The following OTUD5 variants were observed in gnomAD, a reference collection of about 807,000 sequenced individuals.
OTUD5 encodes OTU deubiquitinase 5.
Under a neutral mutation model 36.3 loss-of-function variants are expected in OTUD5, and 2 were observed. The observed-to-expected ratio is 0.06, with a 90% CI of 0.02 to 0.17. The LOEUF is 0.17. OTUD5 is among the 10% of genes least tolerant of loss of function. OTUD5 has a pLI of 1.00. For missense variants in OTUD5, 233 were observed against 512.3 expected, an observed-to-expected ratio of 0.45 and a Z score of 5.26; for synonymous variants, 234 against 214.9, an observed-to-expected ratio of 1.09 and a Z score of -0.78.
intron 2 of OTUD5, among the ~76,000 whole-genome samples, chrX:48,942,244 T>TACACACACACACACACACACACACAC (rs1188711919): frequency 1.4e-4 from 8 of 57,090 alleles, no homozygotes; most frequent in East Asian, 6.2e-4. Context: ...CACACACACA[T>TACACACACACACACACACACACACAC]ACACACACAC....
chrX:48,954,019 AG>A (rs782646940), intron 1 of OTUD5, among the ~76,000 whole-genome samples: 1 of 111,846 alleles, frequency 8.9e-6, no homozygotes, highest in East Asian at 2.8e-4. Flanking sequence ...CAGGTGAGGC[AG>A]GGAGAAGAGG....
rs1422336863 is a variant in OTUD5 at position 48,957,083 on chromosome X, C to CCGCCAACCG, written c.479_487dup (p.Ala160_Gly162dup). On this transcript the variant is annotated inframe_insertion, in exon 1 of 9. Transcript: ENST00000376488. ...GACCTCCTCACGCTCGGGACTGCCC[C>CCGCCAACCG]CGCCAACCGCGCCAACCCCGGGAGC... is the stretch of plus-strand genomic sequence containing the variant. The CCGCCAACCG allele has an allele frequency of 1.9e-5, 22 of 1,180,648 alleles. No homozygotes were observed. The Middle Eastern group carries it at 6.9e-4, about 37-fold the overall frequency.
chrX:48,949,014 T>C (rs782388892), intron 1 of OTUD5, among the ~76,000 whole-genome samples: 1 of 111,492 alleles, frequency 9.0e-6, no homozygotes, highest in South Asian at 3.7e-4. Flanking sequence ...TTATTAGCCA[T>C]GTGATGATGA....
At chrX:48,937,511 GA>G (rs1261270311) in intron 2 of OTUD5, among the ~76,000 whole-genome samples, 4 of 112,253 alleles carry the variant, frequency 3.6e-5, no homozygotes, top group Admixed American at 9.4e-5. Flanking sequence ...CCAGATGCAG[GA>G]AAATGGGGAA....
chrX:48,933,860 T>A (rs782003901), intron 5 of OTUD5, among the ~76,000 whole-genome samples: 7 of 112,038 alleles, frequency 6.2e-5, no homozygotes, highest in Non-Finnish European at 1.1e-4. Context: ...TTTGTGTTTG[T>A]AGAAGTGAAA....
chrX:48,957,548 T>G lies in OTUD5; in HGVS notation c.23A>C (p.Lys8Thr). ...GGGGTCGGCGTCGGGAGGCGGCGGC[T>G]TCTTTTTGGGGAGTATAGTCATGGC... is the stretch of plus-strand genomic sequence containing the variant. Reference protein sequence around the residue: MTILPKKKPPPPDADPAN... With the variant: MTILPKKTPPPPDADPAN... Residue 8 changes from lysine (K) to threonine (T), a missense_variant, in exon 1 of 9, where the codon AAG (lysine) becomes ACG (threonine). Lys to Thr is a moderately conservative substitution (Grantham distance 78). Around this residue, in one of 3 missense-constraint regions of OTUD5, gnomAD observed 155 missense variants for 217.2 expected, o/e 0.71. Coordinates refer to ENST00000376488, the MANE Select transcript of OTUD5 (RefSeq NM_001136157.2). 2 of 812,104 alleles carry G rather than the reference T, an allele frequency of 2.5e-6. No individual in the cohort carries two copies. Among genetic ancestry groups the G allele is most frequent in the Non-Finnish European group, 3.0e-6 (2 of 669,850 alleles). 66.9% of individuals were successfully genotyped at this position (812,104 alleles called of 1,213,427 possible). A position where few individuals can be genotyped will look rare whatever the true frequency, so the allele number is the denominator to read the frequency against.
rs1053120154 is a variant in OTUD5 at position 48,931,975 on chromosome X, C to T, written c.1059+2489G>A. Among the ~76,000 whole-genome samples, 32 of 106,260 alleles carry T rather than the reference C, an allele frequency of 3.0e-4. No individual in the cohort carries two copies. The East Asian group carries it at 8.8e-3, about 29-fold the overall frequency. 92.3% of individuals were successfully genotyped at this position (106,260 alleles called of 115,157 possible). A position where few individuals can be genotyped will look rare whatever the true frequency, so the allele number is the denominator to read the frequency against. On this transcript the variant is annotated intron_variant, in intron 5 of 8. Transcript: ENST00000376488. ...AGACCAGCCTTTGACATGGTGAAACCCCGTCTCTACTAAAAACACAAAAAT... is the reference window on the plus strand; with the variant it reads ...AGACCAGCCTTTGACATGGTGAAACTCCGTCTCTACTAAAAACACAAAAAT...
Position 48,953,363 on chromosome X carries a change from A to G in OTUD5, c.594+3614T>C, listed in dbSNP as rs374866179. ...GCTGAGAGGGAACAGAGGAGCCAGGAAGAGAGGGGAGAAACCCAGTTCCTC... is the reference window on the plus strand; with the variant it reads ...GCTGAGAGGGAACAGAGGAGCCAGGGAGAGAGGGGAGAAACCCAGTTCCTC... On this transcript the variant is annotated intron_variant, in intron 1 of 8. Transcript: ENST00000376488. Among the ~76,000 whole-genome samples the G allele has an allele frequency of 2.1e-4, 23 of 111,590 alleles. No individual in the cohort carries two copies. The South Asian group carries it at 8.2e-3, about 40-fold the overall frequency.
At chrX:48,946,773 G>C (rs1187114399) in intron 1 of OTUD5, among the ~76,000 whole-genome samples, 3 of 112,231 alleles carry the variant, frequency 2.7e-5, no homozygotes, top group African/African-American at 9.7e-5. Flanking sequence ...CACAACTATA[G>C]TCCCAAACCT....
intron 5 of OTUD5, among the ~76,000 whole-genome samples, chrX:48,928,982 G>A (rs1480227062): frequency 9.0e-6 from 1 of 110,996 alleles, no homozygotes; most frequent in Non-Finnish European, 1.9e-5. Context: ...TTTTAAGGGT[G>A]GTCAAACTAT....
intron 1 of OTUD5, among the ~76,000 whole-genome samples, chrX:48,952,889 T>G (rs782237887): frequency 8.9e-6 from 1 of 112,057 alleles, no homozygotes; most frequent in Non-Finnish European, 1.9e-5. Context: ...GGGCCTTTGC[T>G]ATCAAAGATA....
chrX:48,929,171 T>C (rs1038997277), intron 5 of OTUD5, among the ~76,000 whole-genome samples: 16 of 110,291 alleles, frequency 1.5e-4, no homozygotes, highest in African/African-American at 5.3e-4. Context: ...GTGGATCTCC[T>C]GAGGTCAGGA....
chrX:48,955,249 C>T (rs987614806), intron 1 of OTUD5, among the ~76,000 whole-genome samples: 35 of 111,636 alleles, frequency 3.1e-4, no homozygotes, highest in African/African-American at 1.1e-3. Flanking sequence ...TGTAAGTTGT[C>T]TGAGGTGAGG....
intron 2 of OTUD5, among the ~76,000 whole-genome samples, chrX:48,938,449 T>C (rs2063864663): frequency 9.0e-6 from 1 of 111,057 alleles, no homozygotes; most frequent in Non-Finnish European, 1.9e-5. Flanking sequence ...TCCCAGCAAT[T>C]TGGGAGGCCG....
In OTUD5 at chrX:48,922,890, C is replaced by A; in HGVS notation, c.*284G>T. ...TCTCTGTGTGCCTCTTGTCTATCTTCGGCACCCTTGCCCGAGTCCCCTGTG... is the reference window on the plus strand; with the variant it reads ...TCTCTGTGTGCCTCTTGTCTATCTTAGGCACCCTTGCCCGAGTCCCCTGTG... On this transcript the variant is annotated 3_prime_UTR_variant, in exon 9 of 9. Transcript: ENST00000376488. 1 of 940,765 alleles carries A rather than the reference C, an allele frequency of 1.1e-6. No individual in the cohort carries two copies. Among genetic ancestry groups the A allele is most frequent in the Non-Finnish European group, 1.3e-6 (1 of 753,040 alleles). 77.5% of individuals were successfully genotyped at this position (940,765 alleles called of 1,213,427 possible).
intron 2 of OTUD5, chrX:48,939,874 C>T (rs1208355408): frequency 8.8e-6 from 1 of 113,025 alleles, no homozygotes; most frequent in African/African-American, 3.2e-5. Flanking sequence ...GAACTGCCTA[C>T]TCCCCAGGTA....
At chrX:48,954,508 C>G (rs1557054694) in intron 1 of OTUD5, among the ~76,000 whole-genome samples, 1 of 111,314 alleles carries the variant, frequency 9.0e-6, no homozygotes, top group African/African-American at 3.3e-5. Context: ...AACTACCCAA[C>G]CAGAGAGAGA....
At chrX:48,935,623 C>A (rs986818611) in intron 2 of OTUD5, among the ~76,000 whole-genome samples, 3 of 111,264 alleles carry the variant, frequency 2.7e-5, no homozygotes, top group Admixed American at 1.9e-4. Context: ...GCCTCATATA[C>A]CTCATCTGTA....
intron 5 of OTUD5, among the ~76,000 whole-genome samples, chrX:48,932,169 T>G (rs917487743): frequency 9.8e-6 from 1 of 102,302 alleles, no homozygotes; most frequent in Admixed American, 1.1e-4. Flanking sequence ...ATGATAATAA[T>G]AATAATAATA....
Sources: gnomAD v4.1 joint callset for allele counts (sites outside exome capture counted in the v4.1 genomes callset) on GRCh38, gnomAD v4.1.1 for gene constraint, gnomAD v4.1.1 regional missense constraint, MANE v1.5 for transcripts, NCBI Gene and HGNC (gene_info 2026-07-23, HGNC 2026-07-21) for gene names.